Variants in AMPH observed in about 807,000 individuals in gnomAD.
The protein encoded by AMPH is amphiphysin.
In AMPH, 49 loss-of-function variants were observed where a neutral mutation model predicts 99.1. The ratio of observed to expected loss-of-function variants is 0.49; its 90% confidence interval spans 0.39 to 0.63. The LOEUF is 0.63. AMPH is among the 20% of genes least tolerant of loss of function. The pLI is 0.00. For synonymous variants in AMPH, 314 were observed against 317.3 expected (o/e 0.99, Z 0.11); for missense variants, 759 against 863.4 (o/e 0.88, Z 1.52).
chr7:38,453,269 C>T (rs1316346774), intron 11 of AMPH, among the ~76,000 whole-genome samples: 1 of 152,202 alleles, frequency 6.6e-6, no homozygotes, highest in Non-Finnish European at 1.5e-5. Flanking sequence ...AAGGATGTGA[C>T]ACACAGCCAG....
chr7:38,538,866 G>A (rs1323351385), intron 1 of AMPH, among the ~76,000 whole-genome samples: 1 of 152,192 alleles, frequency 6.6e-6, no homozygotes, highest in Non-Finnish European at 1.5e-5. Flanking sequence ...TGCAGGGTTT[G>A]AGACAGCTCT....
At position 38,436,400 on chromosome 7, in the gene AMPH, A is replaced by T; in HGVS notation, c.1018-12T>A. 2 of 1,589,772 alleles carry T rather than the reference A, an allele frequency of 1.3e-6. No homozygotes were observed. The highest frequency in any genetic ancestry group is 1.7e-6 in the Non-Finnish European group (2 of 1,157,806). On this transcript the variant is annotated splice_polypyrimidine_tract_variant and intron_variant, in intron 11 of 20. Transcript: ENST00000356264. ...TCAGGGACTTCATTCTGTTAAAGCA[A>T]ACAACAAAACAAAATAAAACATGTA...
At chr7:38,448,021 C>T (rs1786857404) in intron 11 of AMPH, among the ~76,000 whole-genome samples, 1 of 152,134 alleles carries the variant, frequency 6.6e-6, no homozygotes, top group African/African-American at 2.4e-5. Flanking sequence ...TCTTTAGGAA[C>T]AAGGCCAATC....
chr7:38,433,245 G>A (rs1321307040), intron 12 of AMPH, among the ~76,000 whole-genome samples: 3 of 152,168 alleles, frequency 2.0e-5, no homozygotes, highest in South Asian at 2.1e-4. Flanking sequence ...CATTCTAACC[G>A]TTCTGCATGG....
chr7:38,463,216 G>A (rs1349242292), intron 9 of AMPH, 103 bp from the exon 10 acceptor site: 17 of 1,498,134 alleles, frequency 1.1e-5, no homozygotes, highest in Non-Finnish European at 1.5e-5. Context: ...AACAGGTACT[G>A]TCTGTTGTCC....
chr7:38,414,093 C>T (rs1238760853), intron 17 of AMPH, among the ~76,000 whole-genome samples: 1 of 152,216 alleles, frequency 6.6e-6, no homozygotes, highest in Non-Finnish European at 1.5e-5. Context: ...TCAAATATAT[C>T]TGTCAACTGA....
At chr7:38,398,965 C>CCTCA (rs1465343243) in intron 17 of AMPH, among the ~76,000 whole-genome samples, 1 of 151,874 alleles carries the variant, frequency 6.6e-6, no homozygotes, top group Non-Finnish European at 1.5e-5. Flanking sequence ...GGAGCAAATA[C>CCTCA]CTCAGCCTCA....
chr7:38,589,855 C>A (rs10499608), intron 1 of AMPH, among the ~76,000 whole-genome samples: 42,740 of 152,042 alleles, frequency 0.28, 6,401 homozygotes, highest in Non-Finnish European at 0.34. Context: ...GTTGGACCTC[C>A]TCATAGGCAA....
At chr7:38,536,281 A>G (rs1393908534) in intron 1 of AMPH, among the ~76,000 whole-genome samples, 3 of 152,330 alleles carry the variant, frequency 2.0e-5, no homozygotes, top group South Asian at 4.1e-4. Context: ...CTTTAGGAAT[A>G]CAAGAACTCA....
rs373071104 is a variant in AMPH, at chr7:38,417,881, C to T, written c.1342G>A (p.Val448Ile). 108 of 1,614,146 alleles carry T rather than the reference C, an allele frequency of 6.7e-5. No homozygotes were observed. In the Middle Eastern group the frequency reaches 1.5e-3, roughly 22 times the overall value. Reference protein sequence around the residue: ...EEPLAAVTPAVGLDLGMDTRA... With the variant: ...EEPLAAVTPAIGLDLGMDTRA... ...GTGTCCATTCCAAGGTCCAGACCAA[C>T]GGCAGGTGTGACAGCAGCCAGAGGC... The change falls in exon 17 of 21, where the codon GTT becomes ATT. Residue 448 changes from valine to isoleucine, a missense_variant. Val to Ile is a conservative substitution (Grantham distance 29, BLOSUM62 3). Coordinates refer to ENST00000356264, the MANE Select transcript of AMPH (RefSeq NM_001635.4).
chr7:38,515,192 T>C (rs1169733699), intron 2 of AMPH, among the ~76,000 whole-genome samples: 1 of 152,198 alleles, frequency 6.6e-6, no homozygotes, highest in Non-Finnish European at 1.5e-5. Context: ...AGCTGAGTTG[T>C]GTCCATGCCC....
At chr7:38,526,391 T>G (rs1350693698) in intron 2 of AMPH, among the ~76,000 whole-genome samples, 1 of 145,610 alleles carries the variant, frequency 6.9e-6, no homozygotes, top group Non-Finnish European at 1.5e-5. Flanking sequence ...CACCTCAGCC[T>G]CGCAAGTAGC....
At chr7:38,477,866 G>C (rs915142185) in intron 5 of AMPH, among the ~76,000 whole-genome samples, 1 of 151,840 alleles carries the variant, frequency 6.6e-6, no homozygotes, top group Non-Finnish European at 1.5e-5. Flanking sequence ...CTAGATTTTA[G>C]GCAAAAATAA....
At chr7:38,420,895 C>A in intron 16 of AMPH, 1 of 452,138 alleles carries the variant, frequency 2.2e-6, no homozygotes, top group Non-Finnish European at 4.5e-6. Flanking sequence ...CAGCTGATTA[C>A]CAACTTCACC....
chr7:38,585,837 T>C (rs1427027394), intron 1 of AMPH, among the ~76,000 whole-genome samples: 1 of 152,224 alleles, frequency 6.6e-6, no homozygotes. Context: ...CTTCTTCTGA[T>C]GGGAACATTA....
chr7:38,464,861 G>T (rs1787589624), intron 9 of AMPH, among the ~76,000 whole-genome samples: 1 of 152,152 alleles, frequency 6.6e-6, no homozygotes, highest in Non-Finnish European at 1.5e-5. Flanking sequence ...ACTGGAGAAA[G>T]CTGGTGTGCA....
chr7:38,503,798 A>T, intron 2 of AMPH, 94 bp from the exon 3 acceptor site: 2 of 1,290,778 alleles, frequency 1.5e-6, no homozygotes, highest in Non-Finnish European at 2.2e-6. Flanking sequence ...TATTGCCAGA[A>T]GCTCATTCTT....
chr7:38,537,818 T>G (rs1790670677), intron 1 of AMPH, among the ~76,000 whole-genome samples: 1 of 152,058 alleles, frequency 6.6e-6, no homozygotes, highest in African/African-American at 2.4e-5. Flanking sequence ...AACGCACAAA[T>G]ACACAGAAAA....
chr7:38,536,325 C>G (rs11773386), intron 1 of AMPH, among the ~76,000 whole-genome samples: 4,204 of 152,004 alleles, frequency 0.028, 150 homozygotes, highest in African/African-American at 0.08. Flanking sequence ...AATACACATC[C>G]CTTTTTTAAC....
Sources: allele counts gnomAD v4.1 joint callset (sites outside exome capture counted in the v4.1 genomes callset), GRCh38; gene constraint gnomAD v4.1.1; transcripts MANE v1.5; gene names NCBI Gene and HGNC (gene_info 2026-07-23, HGNC 2026-07-21).